THSD4: variants seen among roughly 807,000 people sequenced by gnomAD.
THSD4 encodes the protein thrombospondin type 1 domain containing 4.
In THSD4, 69 loss-of-function variants were observed where a neutral mutation model predicts 119.0. That is an observed-to-expected ratio of 0.58 (90% CI 0.48 to 0.71). THSD4 has a LOEUF of 0.71. THSD4 is among the 30% of genes least tolerant of loss of function. The probability of loss-of-function intolerance (pLI) is 0.00; values close to 1 mark genes in which losing one functional copy is unlikely to be tolerated. For synonymous variants in THSD4, 524 were observed against 540.4 expected, an observed-to-expected ratio of 0.97 and a Z score of 0.42; for missense variants, 1,393 against 1,391.1, an observed-to-expected ratio of 1.00 and a Z score of -0.02.
intron 8 of THSD4, among the ~76,000 whole-genome samples, chr15:71,688,451 T>A (rs1444260244): frequency 2.0e-5 from 3 of 152,218 alleles, no homozygotes; most frequent in Admixed American, 2.0e-4. Context: ...ATTTGATTCA[T>A]AAAAATGAAA....
chr15:71,240,798 TACACAC>T (rs58462444), intron 4 of THSD4, among the ~76,000 whole-genome samples: 10,209 of 145,310 alleles, frequency 0.07, 852 homozygotes, highest in African/African-American at 0.2. Flanking sequence ...TATATGTGTA[TACACAC>T]ACACACACAC....
At chr15:71,508,907 C>T (rs1386628374) in intron 7 of THSD4, among the ~76,000 whole-genome samples, 5 of 145,956 alleles carry the variant, frequency 3.4e-5, no homozygotes, top group Admixed American at 1.4e-4. Context: ...ATTCTTTGAG[C>T]GTGATGCAAA....
At chr15:71,409,142 T>C (rs949703383) in intron 6 of THSD4, among the ~76,000 whole-genome samples, 12 of 107,958 alleles carry the variant, frequency 1.1e-4, no homozygotes, top group Admixed American at 3.8e-4. Context: ...GTCTCACGTT[T>C]AGCTTTTTTT....
intron 2 of THSD4, among the ~76,000 whole-genome samples, chr15:71,149,597 A>G (rs2040700220): frequency 6.6e-6 from 1 of 152,188 alleles, no homozygotes; most frequent in Non-Finnish European, 1.5e-5. Flanking sequence ...TTTCACTTCA[A>G]TGCTAAGATT....
intron 4 of THSD4, among the ~76,000 whole-genome samples, chr15:71,221,123 C>T (rs2043972316): frequency 6.6e-6 from 1 of 152,126 alleles, no homozygotes; most frequent in South Asian, 2.1e-4. Context: ...GCAACTCACA[C>T]TTGTGAAACT....
At chr15:71,367,529 C>A (rs1016792241) in intron 6 of THSD4, among the ~76,000 whole-genome samples, 1 of 152,200 alleles carries the variant, frequency 6.6e-6, no homozygotes, top group East Asian at 1.9e-4. Context: ...TGAGAACATG[C>A]AGTGTTTGGT....
chr15:71,377,989 C>T (rs1018045987), intron 6 of THSD4, among the ~76,000 whole-genome samples: 1 of 151,896 alleles, frequency 6.6e-6, no homozygotes, highest in Non-Finnish European at 1.5e-5. Context: ...TTTCCACCTA[C>T]TTATAGGCTT....
intron 7 of THSD4, among the ~76,000 whole-genome samples, chr15:71,488,740 T>G (rs79725808): frequency 0.024 from 3,585 of 152,318 alleles, 140 homozygotes; most frequent in African/African-American, 0.082. Flanking sequence ...ACTTAGGTTT[T>G]GTAGTTATTT....
chr15:71,379,950 C>A lies in THSD4; in HGVS notation c.1016-31737C>A, dbSNP rs572006517. Among the ~76,000 whole-genome samples the A allele has an allele frequency of 2.2e-4, 33 of 152,048 alleles. No individual in the cohort carries two copies. In the South Asian group the frequency reaches 6.8e-3, roughly 32 times the overall value. ...TACATGGCTGAATAATATTTATGGA[C>A]ACAAAAAGGGGAGTGAGATACAGAA... On this transcript the variant is annotated intron_variant, in intron 6 of 17. Transcript: ENST00000261862.
intron 6 of THSD4, among the ~76,000 whole-genome samples, chr15:71,298,241 C>A (rs1596321855): frequency 6.6e-6 from 1 of 152,168 alleles, no homozygotes; most frequent in African/African-American, 2.4e-5. Flanking sequence ...CCAAAATCAA[C>A]TGATCATAGA....
chr15:71,708,222 G>A (rs901422776), intron 8 of THSD4, among the ~76,000 whole-genome samples: 1 of 152,206 alleles, frequency 6.6e-6, no homozygotes, highest in Non-Finnish European at 1.5e-5. Context: ...GGGGAGGAGG[G>A]AGAGTAGGAG....
chr15:71,775,077 C>T (rs998899856), intron 17 of THSD4, among the ~76,000 whole-genome samples: 13 of 151,754 alleles, frequency 8.6e-5, no homozygotes, highest in African/African-American at 1.7e-4. Flanking sequence ...ACCCGGGAGG[C>T]GGAGGTTGCG....
chr15:71,125,552 C>T (rs1177765193), intron 1 of THSD4, among the ~76,000 whole-genome samples: 1 of 152,382 alleles, frequency 6.6e-6, no homozygotes, highest in African/African-American at 2.4e-5. Flanking sequence ...AGAGTTTCCC[C>T]TCCCGGGTCA....
intron 8 of THSD4, among the ~76,000 whole-genome samples, chr15:71,696,578 C>T (rs1039428484): frequency 6.6e-6 from 1 of 152,060 alleles, no homozygotes; most frequent in East Asian, 1.9e-4. Context: ...TGGGGGCTTC[C>T]AATTAGCTGA....
chr15:71,393,141 GA>G (rs1174964539), intron 6 of THSD4, among the ~76,000 whole-genome samples: 2 of 151,922 alleles, frequency 1.3e-5, no homozygotes, highest in Admixed American at 6.6e-5. Context: ...TACTCAGGGG[GA>G]TTATGCCCCC....
intron 7 of THSD4, among the ~76,000 whole-genome samples, chr15:71,472,141 TC>T (rs2140642498): frequency 6.6e-6 from 1 of 152,220 alleles, no homozygotes; most frequent in Admixed American, 6.5e-5. Context: ...GGTCTCAAAC[TC>T]CTGGGTTCAA....
intron 6 of THSD4, among the ~76,000 whole-genome samples, chr15:71,335,586 G>A (rs1041938421): frequency 1.3e-5 from 2 of 152,138 alleles, no homozygotes; most frequent in African/African-American, 4.8e-5. Context: ...TGTCACGGGT[G>A]CGAGAGAAGG....
In THSD4 at chr15:71,735,433, CCT is replaced by C. The variant is rs201830733; in HGVS notation, c.1631-2288_1631-2287del. 8.0e-3 allele frequency among the ~76,000 whole-genome samples: 1,210 copies of C among 151,552 alleles called. 25 individuals are homozygous for C. The highest frequency in any genetic ancestry group is 0.04 in the Admixed American group (606 of 15,222). ...TCCTACCTCTCCTCCATCTTGAAAA[CCT>C]CTCTCTCTCTTTCTCACTCTCTCTC... On this transcript the variant is annotated intron_variant, in intron 10 of 17. Coordinates refer to ENST00000261862, the MANE Select transcript of THSD4 (RefSeq NM_024817.3).
At chr15:71,635,999 C>A (rs1013999903) in intron 7 of THSD4, among the ~76,000 whole-genome samples, 1 of 152,210 alleles carries the variant, frequency 6.6e-6, no homozygotes, top group African/African-American at 2.4e-5. Flanking sequence ...CATGAAGTTC[C>A]TGTTCATAAC....
Sources: gnomAD v4.1 joint callset for allele counts (sites outside exome capture counted in the v4.1 genomes callset) on GRCh38, gnomAD v4.1.1 for gene constraint, MANE v1.5 for transcripts, NCBI Gene and HGNC (gene_info 2026-07-23, HGNC 2026-07-21) for gene names.